Variants in SNAP29 observed in about 807,000 individuals in gnomAD.
SNAP29 encodes the protein synaptosomal-associated protein 29.
Under a neutral mutation model 27.9 loss-of-function variants are expected in SNAP29, and 13 were observed. The ratio of observed to expected loss-of-function variants is 0.47; its 90% CI spans 0.30 to 0.74. SNAP29 has a LOEUF of 0.74. Ranked by LOEUF, SNAP29 falls within the 30% of genes least tolerant of loss-of-function variation. SNAP29 has a pLI of 0.06. For synonymous variants in SNAP29, 119 were observed against 127.1 expected (o/e 0.94, Z 0.43); for missense variants, 368 against 336.5 (o/e 1.09, Z -0.73).
intron 2 of SNAP29, among the ~76,000 whole-genome samples, chr22:20,875,931 G>A (rs1435017088): frequency 6.6e-6 from 1 of 152,078 alleles, no homozygotes; most frequent in Admixed American, 6.5e-5. Flanking sequence ...GGAGGCTAAG[G>A]TGGGCGGATC....
At chr22:20,874,889 T>G (rs1358441326) in intron 2 of SNAP29, among the ~76,000 whole-genome samples, 1 of 152,116 alleles carries the variant, frequency 6.6e-6, no homozygotes, top group Admixed American at 6.6e-5. Flanking sequence ...GTTCATTTGT[T>G]TTGGTCTAAG....
At chr22:20,859,748 C>G in intron 1 of SNAP29, 1 of 258,990 alleles carries the variant, frequency 3.9e-6, no homozygotes, top group East Asian at 1.1e-4. Context: ...GCCATTCCTT[C>G]CGGAGTGAGC....
rs202232551 is a variant in SNAP29, at chr22:20,860,740, GA to G, written c.237+1402del. 2.0e-4 allele frequency among the ~76,000 whole-genome samples: 30 copies of G among 150,922 alleles called. No homozygotes were observed. In the South Asian group the frequency reaches 2.9e-3, roughly 15 times the overall value. ...AATGAAACAGTTTTGTTTGGACAGA[GA>G]AAAAAAAAGGTTTAAAAAAATGTAT... On this transcript the variant is annotated intron_variant, in intron 1 of 4. Transcript: ENST00000215730.
chr22:20,880,951 A>AT, intron 2 of SNAP29, 98 bp from the exon 3 acceptor site: 1 of 812,342 alleles, frequency 1.2e-6, no homozygotes, highest in Non-Finnish European at 2.1e-6. Context: ...GAGGCATTTG[A>AT]TTTTTAGCAC....
chr22:20,882,884 C>T (rs979216315), intron 3 of SNAP29, among the ~76,000 whole-genome samples: 2 of 152,040 alleles, frequency 1.3e-5, no homozygotes, highest in Non-Finnish European at 2.9e-5. Context: ...CAGGGCTTTT[C>T]CGTGTGCGTT....
chr22:20,868,965 A>G (rs1270769113), intron 1 of SNAP29, among the ~76,000 whole-genome samples: 1 of 152,224 alleles, frequency 6.6e-6, no homozygotes, highest in Non-Finnish European at 1.5e-5. Context: ...AGCAGTGAAC[A>G]GAGCAAGTCC....
chr22:20,876,206 A>G (rs1220848307), intron 2 of SNAP29, among the ~76,000 whole-genome samples: 1 of 151,430 alleles, frequency 6.6e-6, no homozygotes, highest in Non-Finnish European at 1.5e-5. Context: ...TGATCCTGTC[A>G]AAACCTTTAA....
Position 20,888,085 on chromosome 22 carries a change from G to A in SNAP29, c.*249G>A. The stretch of plus-strand genomic sequence containing the variant: ...AGTTTTTGTCTGAGCACAGTAGCCT[G>A]GCCCTGCATATCTTGGGCGTTTGAT... On this transcript the variant is annotated 3_prime_UTR_variant, in exon 5 of 5. Coordinates refer to ENST00000215730, the MANE Select transcript of SNAP29 (RefSeq NM_004782.4). The A allele has an allele frequency of 2.0e-6, 1 of 494,760 alleles. No homozygotes were observed. The highest frequency in any genetic ancestry group is 3.7e-6 in the Non-Finnish European group (1 of 272,204). 30.6% of individuals were successfully genotyped at this position (494,760 alleles called of 1,614,324 possible).
At chr22:20,871,156 A>G (rs1928581996) in intron 2 of SNAP29, 1 of 154,046 alleles carries the variant, frequency 6.5e-6, no homozygotes. Flanking sequence ...TTATGTCTAA[A>G]TTTGTCATAT....
intron 2 of SNAP29, among the ~76,000 whole-genome samples, chr22:20,875,858 C>T (rs1462401991): frequency 2.1e-5 from 3 of 143,294 alleles, no homozygotes; most frequent in Non-Finnish European, 4.6e-5. Flanking sequence ...CATGGACGAC[C>T]AAAAAAAAAA....
chr22:20,866,249 C>T (rs1481861410), intron 1 of SNAP29, among the ~76,000 whole-genome samples: 2 of 152,196 alleles, frequency 1.3e-5, no homozygotes, highest in African/African-American at 2.4e-5. Context: ...ACCCTAAGAC[C>T]CGATTTGTCT....
At chr22:20,874,349 CCACACACA>C (rs361854) in intron 2 of SNAP29, among the ~76,000 whole-genome samples, 12,894 of 123,218 alleles carry the variant, frequency 0.1, 884 homozygotes, top group East Asian at 0.25. Flanking sequence ...CGAAAATTAG[CCACACACA>C]CACACACACA....
rs572258577 is a variant in SNAP29 at position 20,881,835 on chromosome 22, G to A, written c.520+701G>A. Among the ~76,000 whole-genome samples the A allele has an allele frequency of 5.9e-5, 9 of 152,260 alleles. No homozygotes were observed. In the South Asian group the frequency reaches 1.7e-3, roughly 28 times the overall value. ...ATACTGGCCCCTCAAAGCTGTCCAC[G>A]TCCTAATCCCCAGACCCCGTGAGTG... On this transcript the variant is annotated intron_variant, in intron 3 of 4. Coordinates refer to ENST00000215730, the MANE Select transcript of SNAP29 (RefSeq NM_004782.4).
At chr22:20,870,007 G>C (rs773261948) in intron 1 of SNAP29, among the ~76,000 whole-genome samples, 15 of 152,024 alleles carry the variant, frequency 9.9e-5, no homozygotes, top group Non-Finnish European at 1.8e-4. Flanking sequence ...CTGACCTCAT[G>C]ATCTGCCCGC....
At chr22:20,864,596 A>C (rs1928415409) in intron 1 of SNAP29, among the ~76,000 whole-genome samples, 1 of 152,220 alleles carries the variant, frequency 6.6e-6, no homozygotes, top group African/African-American at 2.4e-5. Context: ...ATACTGATGC[A>C]GCCAGAGTTC....
At chr22:20,870,094 A>G (rs1415305836) in intron 1 of SNAP29, among the ~76,000 whole-genome samples, 5 of 152,096 alleles carry the variant, frequency 3.3e-5, no homozygotes, top group South Asian at 2.1e-4. Context: ...ACATGGCGCC[A>G]TGAGCCAGCC....
At chr22:20,869,318 G>T (rs1011927472) in intron 1 of SNAP29, among the ~76,000 whole-genome samples, 6 of 152,174 alleles carry the variant, frequency 3.9e-5, no homozygotes, top group Non-Finnish European at 8.8e-5. Context: ...TTCTCCTTTA[G>T]GGAAGATGTC....
chr22:20,865,665 T>C (rs1350345139), intron 1 of SNAP29, among the ~76,000 whole-genome samples: 1 of 152,208 alleles, frequency 6.6e-6, no homozygotes, highest in Non-Finnish European at 1.5e-5. Context: ...ACTGGAAGGA[T>C]GCACAGAACT....
chr22:20,870,554 C>G, intron 2 of SNAP29, 21 bp downstream of exon 2: 3 of 1,609,004 alleles, frequency 1.9e-6, no homozygotes, highest in African/African-American at 1.3e-5. Context: ...CTTCTACCAT[C>G]TGGGTATAAA....
Sources: allele counts gnomAD v4.1 joint callset (sites outside exome capture counted in the v4.1 genomes callset), GRCh38; gene constraint gnomAD v4.1.1; transcripts MANE v1.5; gene names NCBI Gene and HGNC (gene_info 2026-07-23, HGNC 2026-07-21).